THSD4: variants seen among roughly 807,000 people sequenced by gnomAD.
The protein encoded by THSD4 is thrombospondin type 1 domain containing 4, also known as thrombospondin type-1 domain-containing protein 4.
Under a neutral mutation model 119.0 loss-of-function variants are expected in THSD4, and 69 were observed. The ratio of observed to expected loss-of-function variants is 0.58; its 90% CI spans 0.48 to 0.71. THSD4 has a LOEUF of 0.71. Among genes scored for constraint, THSD4 ranks in the 30% least tolerant of loss-of-function variants. THSD4 has a pLI of 0.00. For missense variants in THSD4, 1,393 were observed against 1,391.1 expected (o/e 1.00, Z -0.02); for synonymous variants, 524 against 540.4 (o/e 0.97, Z 0.42).
intron 4 of THSD4, among the ~76,000 whole-genome samples, chr15:71,234,726 TCA>T (rs2044089495): frequency 6.6e-6 from 1 of 152,212 alleles, no homozygotes; most frequent in South Asian, 2.1e-4. Context: ...CGGATAAAGC[TCA>T]GTTTTTCCAA....
chr15:71,703,728 G>T (rs1255331144), intron 8 of THSD4, among the ~76,000 whole-genome samples: 2 of 152,168 alleles, frequency 1.3e-5, no homozygotes, highest in Admixed American at 1.3e-4. Context: ...TTCCTAGGGA[G>T]CCTCCTCAAT....
chr15:71,355,392 A>ATG (rs2045795944), intron 6 of THSD4, among the ~76,000 whole-genome samples: 1 of 151,754 alleles, frequency 6.6e-6, no homozygotes, highest in Non-Finnish European at 1.5e-5. Context: ...TGTGTGTGTC[A>ATG]TGTGTGTGTG....
At position 71,416,766 on chromosome 15, in the gene THSD4, A is replaced by G. The variant is rs367711991; in HGVS notation, c.1152+4943A>G. 7.9e-5 allele frequency among the ~76,000 whole-genome samples: 3 copies of G among 37,972 alleles called. 1 individual carries two copies. Among genetic ancestry groups the G allele is most frequent in the Non-Finnish European group, 2.6e-4 (3 of 11,738 alleles). 24.9% of individuals were successfully genotyped at this position (37,972 alleles called of 152,430 possible). On this transcript the variant is annotated intron_variant, in intron 7 of 17. Coordinates refer to ENST00000261862, the MANE Select transcript of THSD4 (RefSeq NM_024817.3). ...GTTTTGTTTTATTTTATTTTATTTT[A>G]TTTTATTTTCGAGATGGAGTCTCAC...
chr15:71,771,346 C>A (rs1390769860), intron 17 of THSD4, 138 bp downstream of exon 17: 1 of 1,140,924 alleles, frequency 8.8e-7, no homozygotes, highest in Non-Finnish European at 1.2e-6. Flanking sequence ...GGTTGAGGTG[C>A]TTTTGGTATT....
chr15:71,276,095 G>A (rs182474877), intron 6 of THSD4, among the ~76,000 whole-genome samples: 24 of 152,332 alleles, frequency 1.6e-4, no homozygotes, highest in Admixed American at 3.9e-4. Context: ...AGTGGGAGTT[G>A]TTTACAAAAG....
chr15:71,322,094 T>C (rs143356655), intron 6 of THSD4, among the ~76,000 whole-genome samples: 1 of 152,204 alleles, frequency 6.6e-6, no homozygotes, highest in East Asian at 1.9e-4. Flanking sequence ...CACCTAATAA[T>C]GGTTTTTTAA....
At chr15:71,734,586 A>G (rs1187846021) in intron 10 of THSD4, among the ~76,000 whole-genome samples, 5 of 152,148 alleles carry the variant, frequency 3.3e-5, no homozygotes, top group Admixed American at 3.3e-4. Context: ...GTCACTGTGC[A>G]CTTGTCCAGA....
At chr15:71,253,613 T>C (rs945750550) in intron 5 of THSD4, among the ~76,000 whole-genome samples, 2 of 152,094 alleles carry the variant, frequency 1.3e-5, no homozygotes, top group African/African-American at 4.8e-5. Context: ...TACACTATAT[T>C]GGCAGGCTGG....
intron 6 of THSD4, among the ~76,000 whole-genome samples, chr15:71,380,235 C>T (rs1390649824): frequency 6.6e-6 from 1 of 152,080 alleles, no homozygotes; most frequent in Non-Finnish European, 1.5e-5. Context: ...TTCTTTTGGT[C>T]AGCCTCTGAC....
At chr15:71,310,513 G>A (rs968033433) in intron 6 of THSD4, among the ~76,000 whole-genome samples, 2 of 152,180 alleles carry the variant, frequency 1.3e-5, no homozygotes, top group African/African-American at 4.8e-5. Context: ...TAGAAACATG[G>A]TTGACAAAAA....
At chr15:71,223,147 G>A (rs80269316) in intron 4 of THSD4, among the ~76,000 whole-genome samples, 2,139 of 152,240 alleles carry the variant, frequency 0.014, 49 homozygotes, top group African/African-American at 0.049. Flanking sequence ...ATTACAACCT[G>A]TGTGACAGAT....
intron 7 of THSD4, among the ~76,000 whole-genome samples, chr15:71,612,939 AG>A (rs938903516): frequency 6.6e-6 from 1 of 152,148 alleles, no homozygotes; most frequent in African/African-American, 2.4e-5. Context: ...TTCTATCTTG[AG>A]TGTTATTGTT....
At chr15:71,476,691 C>G (rs2140654564) in intron 7 of THSD4, among the ~76,000 whole-genome samples, 1 of 152,348 alleles carries the variant, frequency 6.6e-6, no homozygotes, top group African/African-American at 2.4e-5. Context: ...AAAGCTAATA[C>G]TATTTTCTTT....
intron 7 of THSD4, among the ~76,000 whole-genome samples, chr15:71,580,780 A>G (rs1465408151): frequency 1.3e-5 from 2 of 152,128 alleles, no homozygotes; most frequent in East Asian, 1.9e-4. Flanking sequence ...ACTTAGCATA[A>G]TGTACTCCAG....
chr15:71,238,951 A>G (rs1289182419), intron 4 of THSD4, among the ~76,000 whole-genome samples: 1 of 152,162 alleles, frequency 6.6e-6, no homozygotes, highest in Non-Finnish European at 1.5e-5. Context: ...CCAACACACT[A>G]TTATCTGTCT....
At chr15:71,455,840 G>A (rs2047331833) in intron 7 of THSD4, among the ~76,000 whole-genome samples, 2 of 152,138 alleles carry the variant, frequency 1.3e-5, no homozygotes, top group Admixed American at 1.3e-4. Context: ...ATTAAAGCAA[G>A]GAGTGCAATT....
chr15:71,355,538 C>T (rs1222519880), intron 6 of THSD4, among the ~76,000 whole-genome samples: 1 of 152,076 alleles, frequency 6.6e-6, no homozygotes, highest in African/African-American at 2.4e-5. Context: ...GACCTGTAGC[C>T]CTGAGTATTA....
rs187354909 is a variant in THSD4 at position 71,275,632 on chromosome 15, G to T, written c.1015+18917G>T. ...CACTGATACAGTCTGATTTGGCTTG[G>T]CTCTGTGTTCCCACCTAAATCTCAT... On this transcript the variant is annotated intron_variant, in intron 6 of 17. Coordinates refer to ENST00000261862, the MANE Select transcript of THSD4 (RefSeq NM_024817.3). Among the ~76,000 whole-genome samples the T allele has an allele frequency of 5.3e-5, 8 of 152,222 alleles. No individual in the cohort carries two copies. In the East Asian group the frequency reaches 1.5e-3, roughly 29 times the overall value.
At chr15:71,507,706 A>G (rs2048211862) in intron 7 of THSD4, among the ~76,000 whole-genome samples, 1 of 152,168 alleles carries the variant, frequency 6.6e-6, no homozygotes, top group African/African-American at 2.4e-5. Context: ...TTTGGACTCC[A>G]TATCCTTTGT....
Sources: gnomAD v4.1 joint callset for allele counts (sites outside exome capture counted in the v4.1 genomes callset) on GRCh38, gnomAD v4.1.1 for gene constraint, MANE v1.5 for transcripts, NCBI Gene and HGNC (gene_info 2026-07-23, HGNC 2026-07-21) for gene names.